Variants in GPC6 observed in about 807,000 individuals in gnomAD.
The protein encoded by GPC6 is glypican 6.
GPC6 carries 14 observed loss-of-function variants against 55.2 expected under a neutral mutation model. The ratio of observed to expected loss-of-function variants is 0.25; its 90% CI spans 0.17 to 0.40. The LOEUF (loss-of-function observed/expected upper bound fraction) is 0.40, where lower values mean the gene tolerates loss of function less well. GPC6 is among the 10% of genes least tolerant of loss of function. The probability of loss-of-function intolerance (pLI) is 1.00; values close to 1 mark genes in which losing one functional copy is unlikely to be tolerated. For missense variants in GPC6, 641 were observed against 708.5 expected, an observed-to-expected ratio of 0.90 and a Z score of 1.08; for synonymous variants, 278 against 259.6, an observed-to-expected ratio of 1.07 and a Z score of -0.68.
chr13:93,629,036 G>A (rs1440330708), intron 2 of GPC6, among the ~76,000 whole-genome samples: 87 of 137,380 alleles, frequency 6.3e-4, no homozygotes, highest in Non-Finnish European at 8.4e-4. Context: ...CTTCTAGCCA[G>A]AAAAAAAAAA....
At chr13:93,545,178 T>G (rs1470980284) in intron 1 of GPC6, 85 bp from the exon 2 acceptor site, 2 of 1,186,688 alleles carry the variant, frequency 1.7e-6, no homozygotes, top group African/African-American at 3.0e-5. Context: ...CCCTGAGATT[T>G]GAGCAAAGTG....
In GPC6 at chr13:94,382,488, C is replaced by G; in HGVS notation, c.1227C>G (p.Asp409Glu). The change falls in exon 7 of 9, where the codon GAC becomes GAG. Residue 409 changes from aspartate to glutamate, a missense_variant. Physicochemically the swap from Asp to Glu is conservative, Grantham distance 45 (BLOSUM62 2). Coordinates refer to ENST00000377047, the MANE Select transcript of GPC6 (RefSeq NM_005708.5). ...WSALPYTICK[D>E]ESVTAGTSNE... ...CATTACCCTACACTATCTGCAAGGA[C>G]GAGAGCGTGACAGCGGGCACGTCCA... 2 of 1,614,116 alleles carry G rather than the reference C, an allele frequency of 1.2e-6. No homozygotes were observed. Among genetic ancestry groups the G allele is most frequent in the Non-Finnish European group, 1.7e-6 (2 of 1,179,984 alleles).
At chr13:93,265,831 G>T (rs1163125850) in intron 1 of GPC6, among the ~76,000 whole-genome samples, 2 of 149,142 alleles carry the variant, frequency 1.3e-5, no homozygotes, top group African/African-American at 5.0e-5. Flanking sequence ...TTTTGCCCAG[G>T]TTGGCCTCGA....
At chr13:93,515,239 G>A (rs923414979) in intron 1 of GPC6, among the ~76,000 whole-genome samples, 3 of 152,016 alleles carry the variant, frequency 2.0e-5, no homozygotes, top group Non-Finnish European at 2.9e-5. Flanking sequence ...TGGCACCTGG[G>A]TCTTGGAGTT....
chr13:94,374,089 G>A lies in GPC6; in HGVS notation c.1153-8325G>A, dbSNP rs181404163. Among the ~76,000 whole-genome samples the A allele has an allele frequency of 5.8e-3, 887 of 152,106 alleles. 8 individuals carry two copies. The highest frequency in any genetic ancestry group is 0.019 in the African/African-American group (787 of 41,464). ...GCGCTAAACATGGAAAGGAACAACCGATACCAGCCACTGCAAAATCATGCC... is the reference window on the plus strand; with the variant it reads ...GCGCTAAACATGGAAAGGAACAACCAATACCAGCCACTGCAAAATCATGCC... On this transcript the variant is annotated intron_variant, in intron 6 of 8. Coordinates refer to ENST00000377047, the MANE Select transcript of GPC6 (RefSeq NM_005708.5).
chr13:93,428,879 C>T (rs920387494), intron 1 of GPC6, among the ~76,000 whole-genome samples: 1 of 152,092 alleles, frequency 6.6e-6, no homozygotes, highest in African/African-American at 2.4e-5. Flanking sequence ...TTTTGGAAAT[C>T]ACACATTTAA....
chr13:93,393,127 T>TATATATATATATAGAGAGAGAGAG (rs1230857277), intron 1 of GPC6, among the ~76,000 whole-genome samples: 3 of 87,612 alleles, frequency 3.4e-5, no homozygotes, highest in African/African-American at 1.2e-4. Flanking sequence ...TATATATATA[T>TATATATATATATAGAGAGAGAGAG]AGAGAGAGAG....
intron 2 of GPC6, among the ~76,000 whole-genome samples, chr13:93,704,916 C>T (rs1194024594): frequency 1.3e-5 from 2 of 151,940 alleles, no homozygotes; most frequent in South Asian, 2.1e-4. Flanking sequence ...TGGGTGACAC[C>T]AGGGCAGTCT....
At chr13:94,193,240 C>T (rs1222229679) in intron 4 of GPC6, among the ~76,000 whole-genome samples, 3 of 152,020 alleles carry the variant, frequency 2.0e-5, no homozygotes, top group Non-Finnish European at 2.9e-5. Flanking sequence ...TTCTAATGAC[C>T]GGAATGCCAC....
At chr13:93,498,156 T>C (rs1339829380) in intron 1 of GPC6, among the ~76,000 whole-genome samples, 1 of 152,182 alleles carries the variant, frequency 6.6e-6, no homozygotes, top group African/African-American at 2.4e-5. Context: ...TTTCTCCTGT[T>C]CTTTCTGCTC....
At chr13:94,082,074 CAG>C (rs556628727) in intron 4 of GPC6, among the ~76,000 whole-genome samples, 65 of 152,192 alleles carry the variant, frequency 4.3e-4, no homozygotes, top group African/African-American at 1.4e-3. Flanking sequence ...CTCCTGACCT[CAG>C]ATGATCCACC....
At chr13:94,097,186 G>C (rs16949460) in intron 4 of GPC6, among the ~76,000 whole-genome samples, 5,431 of 151,960 alleles carry the variant, frequency 0.036, 353 homozygotes, top group African/African-American at 0.12. Flanking sequence ...ATAAAACAAT[G>C]TACAAATAAA....
chr13:94,062,497 C>T (rs750555987), intron 4 of GPC6, among the ~76,000 whole-genome samples: 7 of 152,006 alleles, frequency 4.6e-5, no homozygotes, highest in Non-Finnish European at 8.8e-5. Context: ...GTGATCCACC[C>T]GCCTCGACCT....
chr13:93,700,569 G>A (rs1405109542), intron 2 of GPC6, among the ~76,000 whole-genome samples: 5 of 152,034 alleles, frequency 3.3e-5, no homozygotes, highest in Admixed American at 2.6e-4. Context: ...TTGATTAGGA[G>A]TTTTTCTTTT....
chr13:94,209,327 G>A (rs1487854193), intron 4 of GPC6, among the ~76,000 whole-genome samples: 1 of 152,116 alleles, frequency 6.6e-6, no homozygotes, highest in South Asian at 2.1e-4. Context: ...ATTTAGGCAT[G>A]GTTTGTAATG....
intron 3 of GPC6, among the ~76,000 whole-genome samples, chr13:93,848,351 T>A (rs763984791): frequency 1.9e-4 from 29 of 152,080 alleles, no homozygotes; most frequent in Non-Finnish European, 4.0e-4. Flanking sequence ...CGTTTTGTGT[T>A]GCTTTCTTTC....
intron 2 of GPC6, among the ~76,000 whole-genome samples, chr13:93,573,438 A>G (rs1013462038): frequency 1.3e-5 from 2 of 151,892 alleles, no homozygotes; most frequent in Non-Finnish European, 2.9e-5. Flanking sequence ...TACATCCAGT[A>G]CTCCCCAAAC....
At chr13:93,692,544 G>A (rs535064004) in intron 2 of GPC6, among the ~76,000 whole-genome samples, 5 of 151,946 alleles carry the variant, frequency 3.3e-5, no homozygotes, top group Non-Finnish European at 7.4e-5. Flanking sequence ...GGAACTGTTC[G>A]TTAGTTCCTG....
intron 6 of GPC6, among the ~76,000 whole-genome samples, chr13:94,370,985 A>T (rs546523260): frequency 6.6e-6 from 1 of 152,230 alleles, no homozygotes. Flanking sequence ...GAAATGAAAG[A>T]AATCCAAAGT....
Sources: gnomAD v4.1 joint callset for allele counts (sites outside exome capture counted in the v4.1 genomes callset) on GRCh38, gnomAD v4.1.1 for gene constraint, MANE v1.5 for transcripts, NCBI Gene and HGNC (gene_info 2026-07-23, HGNC 2026-07-21) for gene names.